WDR25: variants seen among roughly 807,000 people sequenced by gnomAD.
The protein encoded by WDR25 is WD repeat-containing protein 25.
WDR25 carries 35 observed loss-of-function variants against 47.7 expected under a neutral mutation model. The observed-to-expected ratio is 0.73, with a 90% CI of 0.56 to 0.97. WDR25 has a LOEUF of 0.97. Ranked by LOEUF, WDR25 falls within the 50% of genes least tolerant of loss-of-function variation. The probability of loss-of-function intolerance (pLI) is 0.00; values close to 1 mark genes in which losing one functional copy is unlikely to be tolerated. For missense variants in WDR25, 634 were observed against 704.7 expected, an observed-to-expected ratio of 0.90 and a Z score of 1.14; for synonymous variants, 248 against 278.9, an observed-to-expected ratio of 0.89 and a Z score of 1.10.
intron 2 of WDR25, among the ~76,000 whole-genome samples, chr14:100,448,810 G>C (rs1205739068): frequency 1.3e-5 from 2 of 152,108 alleles, no homozygotes; most frequent in African/African-American, 4.8e-5. Flanking sequence ...AGACCTATGG[G>C]AACATCCACT....
chr14:100,503,193 G>A (rs956076811), intron 4 of WDR25, among the ~76,000 whole-genome samples: 1 of 152,038 alleles, frequency 6.6e-6, no homozygotes, highest in Non-Finnish European at 1.5e-5. Flanking sequence ...AACACCCCAA[G>A]GGAGGCTTTA....
intron 4 of WDR25, among the ~76,000 whole-genome samples, chr14:100,517,012 C>T (rs1321322965): frequency 2.0e-5 from 3 of 150,460 alleles, no homozygotes; most frequent in South Asian, 2.1e-4. Context: ...ATCACTGCAG[C>T]CTTGACCTTC....
chr14:100,391,813 AG>A (rs1897152095), intron 2 of WDR25, among the ~76,000 whole-genome samples: 1 of 152,274 alleles, frequency 6.6e-6, no homozygotes, highest in Non-Finnish European at 1.5e-5. Context: ...AGACCCTTTC[AG>A]GGGGTCAAAA....
chr14:100,376,512 G>A lies in WDR25; in HGVS notation c.-16+17G>A. ...GCGCTTCCGGTGCGTGTGGTGAGCG[G>A]CGGGCCCCGGGCTGGAGGGGCCGGG... On this transcript the variant is annotated intron_variant, in intron 1 of 6. Transcript: ENST00000402312. The A allele has an allele frequency of 4.1e-6, 5 of 1,231,858 alleles. No homozygotes were observed. Among genetic ancestry groups the A allele is most frequent in the African/African-American group, 1.5e-5 (1 of 64,554 alleles). The allele number at this position is 1,231,858 out of a possible 1,614,324, so 76.3% of individuals were successfully genotyped here.
intron 2 of WDR25, among the ~76,000 whole-genome samples, chr14:100,422,632 C>T (rs1229290349): frequency 1.3e-5 from 2 of 152,196 alleles, no homozygotes; most frequent in Non-Finnish European, 2.9e-5. Context: ...TTTGACGCGA[C>T]CACATGTTGC....
In WDR25 at chr14:100,428,151, G is replaced by A. The variant is rs1319278859; in HGVS notation, c.823-39870G>A. ...GGTCACTTTTCCCATCTGAGGAAAC[G>A]TTTGTCGTGTGCTCCGACCGAAGCG... On this transcript the variant is annotated intron_variant, in intron 2 of 6. Coordinates refer to ENST00000402312, the MANE Select transcript of WDR25 (RefSeq NM_001161476.3). The surrounding 1 kb of genome is among the most constrained non-coding windows in gnomAD (Gnocchi z 4.3). 1.3e-5 allele frequency among the ~76,000 whole-genome samples: 2 copies of A among 152,236 alleles called. No individual in the cohort carries two copies. The highest frequency in any genetic ancestry group is 2.1e-4 in the South Asian group (1 of 4,836).
At chr14:100,471,116 C>T (rs1303540523) in intron 3 of WDR25, among the ~76,000 whole-genome samples, 8 of 152,134 alleles carry the variant, frequency 5.3e-5, no homozygotes, top group Admixed American at 2.6e-4. Context: ...CTTGGGGAAG[C>T]GCTGCACACA....
chr14:100,464,726 C>A (rs1437382882), intron 2 of WDR25, among the ~76,000 whole-genome samples: 2 of 125,406 alleles, frequency 1.6e-5, no homozygotes, highest in African/African-American at 6.1e-5. Flanking sequence ...CATCTCATCT[C>A]CCCTACTCCA....
chr14:100,430,932 G>T lies in WDR25; in HGVS notation c.823-37089G>T, dbSNP rs976302411. ...TGGCCTCAGCCTGCAGGAATAAATC[G>T]CTGGTGAAGGGCTTCCTTCTGGCCT... On this transcript the variant is annotated intron_variant, in intron 2 of 6. Coordinates refer to ENST00000402312, the MANE Select transcript of WDR25 (RefSeq NM_001161476.3). This position sits in a 1 kb window ranked among gnomAD's most constrained non-coding sequence, Gnocchi z 4.7. Among the ~76,000 whole-genome samples, 1 of 152,168 alleles carries T rather than the reference G, an allele frequency of 6.6e-6. No individual in the cohort carries two copies. The highest frequency in any genetic ancestry group is 1.5e-5 in the Non-Finnish European group (1 of 68,038).
chr14:100,508,957 A>G (rs1290851443), intron 4 of WDR25, among the ~76,000 whole-genome samples: 3 of 152,108 alleles, frequency 2.0e-5, no homozygotes, highest in African/African-American at 7.2e-5. Context: ...TATTGTCCTT[A>G]TATAGAGTTT....
Position 100,507,252 on chromosome 14 carries a change from G to A in WDR25, c.1102-18618G>A, listed in dbSNP as rs562537535. 1.8e-4 allele frequency among the ~76,000 whole-genome samples: 27 copies of A among 152,222 alleles called. No individual in the cohort carries two copies. In the Middle Eastern group the frequency reaches 0.01, roughly 58 times the overall value. ...TTATTCTGGGTTCTCTATTCTGTTT[G>A]ATTGGGCTATGTGTCTGTGTTTGTA... On this transcript the variant is annotated intron_variant, in intron 4 of 6. Coordinates refer to ENST00000402312, the MANE Select transcript of WDR25 (RefSeq NM_001161476.3).
chr14:100,530,220 G>T lies in WDR25; in HGVS notation c.*179G>T, dbSNP rs80150209. ...AGTCTGTTTGCCTCAGGAGTGTGAG[G>T]ACTACACTAGTGAAAGCGCCTGGCG... On this transcript the variant is annotated 3_prime_UTR_variant, in exon 7 of 7. Transcript: ENST00000402312. 2.4e-3 allele frequency: 1,568 copies of T among 652,670 alleles called. 29 individuals carry two copies. In the African/African-American group the frequency reaches 0.026, roughly 11 times the overall value. The allele number at this position is 652,670 out of a possible 1,614,324, so 40.4% of individuals were successfully genotyped here.
At chr14:100,458,015 A>G (rs1430035470) in intron 2 of WDR25, among the ~76,000 whole-genome samples, 3 of 152,242 alleles carry the variant, frequency 2.0e-5, no homozygotes, top group Non-Finnish European at 4.4e-5. Flanking sequence ...GGAACAAGGA[A>G]CAGATGGGAT....
intron 2 of WDR25, among the ~76,000 whole-genome samples, chr14:100,405,399 G>A (rs984017125): frequency 6.6e-6 from 1 of 152,042 alleles, no homozygotes; most frequent in African/African-American, 2.4e-5. Context: ...GACCTCAGGT[G>A]ATCCACCCGC....
intron 2 of WDR25, among the ~76,000 whole-genome samples, chr14:100,434,078 G>T (rs965056438): frequency 6.6e-6 from 1 of 150,456 alleles, no homozygotes; most frequent in Non-Finnish European, 1.5e-5. Flanking sequence ...AAAAAGAAAA[G>T]AAAAAAAAAC....
At chr14:100,453,833 CTCT>C (rs1899118009) in intron 2 of WDR25, among the ~76,000 whole-genome samples, 1 of 152,240 alleles carries the variant, frequency 6.6e-6, no homozygotes, top group South Asian at 2.1e-4. Flanking sequence ...TTTAAGAAAA[CTCT>C]TCTTTGCCCT....
In WDR25 at chr14:100,430,382, A is replaced by G. The variant is rs540841691; in HGVS notation, c.823-37639A>G. 1.3e-5 allele frequency among the ~76,000 whole-genome samples: 2 copies of G among 152,316 alleles called. No homozygotes were observed. The highest frequency in any genetic ancestry group is 3.9e-4 in the East Asian group (2 of 5,188). ...GTGATGGGGTGCTGCTACTGGGGCC[A>G]TATACCATGAAGCCGAAATTCCTAG... On this transcript the variant is annotated intron_variant, in intron 2 of 6. Coordinates refer to ENST00000402312, the MANE Select transcript of WDR25 (RefSeq NM_001161476.3). This position sits in a 1 kb window ranked among gnomAD's most constrained non-coding sequence, Gnocchi z 4.7.
At chr14:100,517,185 G>A (rs951487104) in intron 4 of WDR25, among the ~76,000 whole-genome samples, 1 of 134,956 alleles carries the variant, frequency 7.4e-6, no homozygotes, top group South Asian at 2.3e-4. Flanking sequence ...GCACAATCTC[G>A]GCTCACTGCA....
intron 2 of WDR25, among the ~76,000 whole-genome samples, chr14:100,413,704 C>T (rs1256661451): frequency 5.3e-5 from 8 of 152,194 alleles, no homozygotes; most frequent in East Asian, 1.9e-4. Flanking sequence ...TGAGCCACCG[C>T]GCCCGGCCTT....
Sources: gnomAD v4.1 joint callset for allele counts (sites outside exome capture counted in the v4.1 genomes callset) on GRCh38, gnomAD v4.1.1 for gene constraint, Gnocchi (gnomAD v3.1) non-coding constraint, MANE v1.5 for transcripts, NCBI Gene and HGNC (gene_info 2026-07-23, HGNC 2026-07-21) for gene names.